The following JADE2 variants were observed in gnomAD, a reference collection of about 807,000 sequenced individuals.
The protein encoded by JADE2 is E3 ubiquitin-protein ligase Jade-2.
JADE2 carries 13 observed loss-of-function variants against 85.7 expected under a neutral mutation model. The observed-to-expected ratio is 0.15, with a 90% confidence interval of 0.10 to 0.24. The LOEUF is 0.24. Ranked by LOEUF, JADE2 falls within the 10% of genes least tolerant of loss-of-function variation. The pLI, the probability that JADE2 is intolerant of heterozygous loss-of-function variation, is 1.00. For missense variants in JADE2, 846 were observed against 1,115.9 expected (o/e 0.76, Z 3.45); for synonymous variants, 440 against 456.1 (o/e 0.96, Z 0.45).
chr5:134,556,437 C>G (rs891248510), intron 4 of JADE2, among the ~76,000 whole-genome samples: 1 of 150,544 alleles, frequency 6.6e-6, no homozygotes, highest in African/African-American at 2.5e-5. Flanking sequence ...TCACACAACA[C>G]ACACACACAC....
intron 9 of JADE2, among the ~76,000 whole-genome samples, chr5:134,569,532 G>A (rs565670032): frequency 1.3e-5 from 2 of 152,322 alleles, no homozygotes; most frequent in South Asian, 4.1e-4. Flanking sequence ...TGATCAGCCC[G>A]ACAAGTGCCG....
chr5:134,563,493 A>T (rs1336975387), intron 7 of JADE2, among the ~76,000 whole-genome samples: 10 of 152,300 alleles, frequency 6.6e-5, no homozygotes, highest in Non-Finnish European at 1.2e-4. Flanking sequence ...GGTGCCTGGC[A>T]GGCCAGCCAT....
At chr5:134,572,352 G>A (rs907285977) in intron 9 of JADE2, among the ~76,000 whole-genome samples, 2 of 152,266 alleles carry the variant, frequency 1.3e-5, no homozygotes, top group Admixed American at 6.5e-5. Context: ...GAGGCCTGAG[G>A]CTGGAGCCAC....
chr5:134,548,336 G>A (rs1042607975), intron 3 of JADE2, among the ~76,000 whole-genome samples: 14 of 152,200 alleles, frequency 9.2e-5, no homozygotes, highest in African/African-American at 2.4e-4. Flanking sequence ...CTTCCAGCAC[G>A]CACACCTTGG....
chr5:134,548,564 C>A (rs559282156), intron 3 of JADE2, among the ~76,000 whole-genome samples: 9 of 152,296 alleles, frequency 5.9e-5, no homozygotes, highest in South Asian at 2.1e-4. Flanking sequence ...CTGCTAGAGC[C>A]CGTAGTGTCC....
chr5:134,525,703 G>A lies in JADE2; in HGVS notation c.-309G>A. ...ACACAGGGGGTTGGTGAATGGTGCC[G>A]ACCGCGGCCATCGCAGTTGGAGGCT... On this transcript the variant is annotated 5_prime_UTR_variant, in exon 1 of 12. Transcript: ENST00000681547. The A allele has an allele frequency of 8.0e-7, 1 of 1,247,934 alleles. No homozygotes were observed. The highest frequency in any genetic ancestry group is 1.0e-6 in the Non-Finnish European group (1 of 971,982). 77.3% of individuals were successfully genotyped at this position (1,247,934 alleles called of 1,614,324 possible). A position where few individuals can be genotyped will look rare whatever the true frequency, so the allele number is the denominator to read the frequency against.
chr5:134,554,218 A>G (rs1413827974), intron 4 of JADE2, among the ~76,000 whole-genome samples: 1 of 152,056 alleles, frequency 6.6e-6, no homozygotes, highest in African/African-American at 2.4e-5. Flanking sequence ...TTGGAAGGGG[A>G]GGGGTCAGGC....
At chr5:134,541,098 C>G (rs1375592254) in intron 3 of JADE2, among the ~76,000 whole-genome samples, 1 of 152,218 alleles carries the variant, frequency 6.6e-6, no homozygotes, top group African/African-American at 2.4e-5. Flanking sequence ...TCCGCAGGCT[C>G]TGAGGTCTGC....
rs1454339221 is a variant in JADE2, at chr5:134,573,748, A to G, written c.1538A>G (p.Gln513Arg). The G allele has an allele frequency of 6.2e-7, 1 of 1,609,750 alleles. No individual in the cohort carries two copies. Residue 513 changes from glutamine (Q) to arginine (R), a missense_variant, in exon 10 of 12, where the codon CAG becomes CGG. Physicochemically the swap from Gln to Arg is conservative, Grantham distance 43. Transcript: ENST00000681547. ...CACCTGCAGATGAAACTTATTGAACAGGATCTGTGTCGAGGTAGGCGCCTT... is the reference window on the plus strand; with the variant it reads ...CACCTGCAGATGAAACTTATTGAACGGGATCTGTGTCGAGGTAGGCGCCTT... ...IFHLQMKLIE[Q>R]DLCRERSGRR...
chr5:134,538,783 C>T (rs1393252610), intron 3 of JADE2, among the ~76,000 whole-genome samples: 1 of 151,940 alleles, frequency 6.6e-6, no homozygotes, highest in African/African-American at 2.4e-5. Flanking sequence ...TTGCACTGAC[C>T]ACAGAAGAAG....
chr5:134,535,910 C>T lies in JADE2; in HGVS notation c.53C>T (p.Thr18Ile). 6.2e-7 allele frequency: 1 copy of T among 1,613,776 alleles called. No individual in the cohort carries two copies. Among genetic ancestry groups the T allele is most frequent in the Non-Finnish European group, 8.5e-7 (1 of 1,179,672 alleles). ...YSISSDNSDTTDSHATSTSAS... is the reference protein window; with the variant it reads ...YSISSDNSDTIDSHATSTSAS... ...ATCAGCAGTGACAACTCTGACACCA[C>T]TGACAGTAAGGCCTTCCAGTTTGGG... The change falls in exon 2 of 12, where the codon ACT (threonine) becomes ATT (isoleucine). Residue 18 changes from threonine to isoleucine, a missense_variant. Thr to Ile is a moderately conservative substitution (Grantham distance 89, BLOSUM62 -1). Coordinates refer to ENST00000681547, the MANE Select transcript of JADE2 (RefSeq NM_001388185.1).
intron 1 of JADE2, among the ~76,000 whole-genome samples, chr5:134,531,352 GC>G (rs1338189142): frequency 2.6e-5 from 4 of 152,150 alleles, no homozygotes; most frequent in African/African-American, 9.7e-5. Flanking sequence ...GTGGTCAGGA[GC>G]TTAGGCTTTG....
intron 9 of JADE2, among the ~76,000 whole-genome samples, chr5:134,568,261 C>T (rs902836053): frequency 6.6e-6 from 1 of 152,122 alleles, no homozygotes; most frequent in East Asian, 1.9e-4. Flanking sequence ...CTCGGAGAGA[C>T]GAATAACAGG....
intron 3 of JADE2, among the ~76,000 whole-genome samples, chr5:134,547,266 C>G (rs1260750596): frequency 6.6e-6 from 1 of 152,192 alleles, no homozygotes; most frequent in African/African-American, 2.4e-5. Context: ...TGCATTGGCA[C>G]CCCTAGCACT....
rs1009115901 is a variant in JADE2, at chr5:134,560,846, G to T, written c.573G>T (p.Gly191=). The T allele has an allele frequency of 9.9e-6, 16 of 1,614,228 alleles. No homozygotes were observed. Among genetic ancestry groups the T allele is most frequent in the Middle Eastern group, 1.7e-4 (1 of 6,060 alleles). ...CCAGGGCCATTGAGACGCAGGAGGG[G>T]CTGGGCATCGAGTACGACGAGGATG... ...NMARAIETQE[G]LGIEYDEDVV... is the part of the protein sequence containing the mutation. Residue 191 remains glycine (G), a synonymous_variant, in exon 6 of 12, where the codon GGG becomes GGT. Transcript: ENST00000681547.
intron 9 of JADE2, among the ~76,000 whole-genome samples, chr5:134,568,732 A>T (rs1193996431): frequency 2.6e-5 from 4 of 152,248 alleles, no homozygotes; most frequent in African/African-American, 4.8e-5. Flanking sequence ...CCATGAGCCA[A>T]GCTGACCCCC....
chr5:134,569,986 G>A (rs1035148607), intron 9 of JADE2, among the ~76,000 whole-genome samples: 1 of 152,100 alleles, frequency 6.6e-6, no homozygotes, highest in Non-Finnish European at 1.5e-5. Flanking sequence ...GCAGTCTACT[G>A]CTCTCCCTGC....
intron 4 of JADE2, among the ~76,000 whole-genome samples, chr5:134,559,429 A>T (rs184422881): frequency 3.9e-5 from 6 of 152,350 alleles, no homozygotes; most frequent in African/African-American, 1.4e-4. Flanking sequence ...GATGGCACAT[A>T]GGATACCTCT....
At chr5:134,540,060 G>A (rs1457417524) in intron 3 of JADE2, among the ~76,000 whole-genome samples, 1 of 152,010 alleles carries the variant, frequency 6.6e-6, no homozygotes, top group Non-Finnish European at 1.5e-5. Context: ...GGTGGGGGTG[G>A]GACAGTGTTG....
Sources: allele counts gnomAD v4.1 joint callset (sites outside exome capture counted in the v4.1 genomes callset), GRCh38; gene constraint gnomAD v4.1.1; transcripts MANE v1.5; gene names NCBI Gene and HGNC (gene_info 2026-07-23, HGNC 2026-07-21).